SORL1: variants seen among roughly 807,000 people sequenced by gnomAD.
The protein encoded by SORL1 is sortilin-related receptor.
In SORL1, 127 loss-of-function variants were observed where a neutral mutation model predicts 273.7. That is an observed-to-expected ratio of 0.46 (90% CI 0.40 to 0.54). The LOEUF (loss-of-function observed/expected upper bound fraction) is 0.54, where lower values mean the gene tolerates loss of function less well. Among genes scored for constraint, SORL1 ranks in the 20% least tolerant of loss-of-function variants. The pLI is 0.00. For missense variants in SORL1, 2,494 were observed against 2,846.1 expected, an observed-to-expected ratio of 0.88 and a Z score of 2.81; for synonymous variants, 1,031 against 1,067.4, an observed-to-expected ratio of 0.97 and a Z score of 0.66.
Position 121,543,731 on chromosome 11 carries a change from G to C in SORL1, c.1864+5G>C, listed in dbSNP as rs1483867481. The stretch of plus-strand genomic sequence containing the variant: ...TCAATGCCACGGATGCCTTGGGTAA[G>C]CTGCTGCCTCCTTGGACCTTTTCAC... On this transcript the variant is annotated splice_donor_5th_base_variant and intron_variant, in intron 13 of 47. Coordinates refer to ENST00000260197, the MANE Select transcript of SORL1 (RefSeq NM_003105.6). The C allele has an allele frequency of 6.2e-7, 1 of 1,610,608 alleles. No homozygotes were observed.
chr11:121,496,797 C>A, intron 5 of SORL1, 72 bp from the exon 6 acceptor site: 3 of 1,300,062 alleles, frequency 2.3e-6, no homozygotes, highest in Non-Finnish European at 1.1e-6. Flanking sequence ...TTGATTATCC[C>A]ATTGCAAAAC....
At chr11:121,492,027 T>C (rs961162179) in intron 5 of SORL1, among the ~76,000 whole-genome samples, 3 of 152,188 alleles carry the variant, frequency 2.0e-5, no homozygotes, top group Non-Finnish European at 4.4e-5. Flanking sequence ...ATCTTCTAAA[T>C]GAAGCCCACC....
At chr11:121,480,232 T>C (rs1378677592) in intron 3 of SORL1, among the ~76,000 whole-genome samples, 1 of 152,198 alleles carries the variant, frequency 6.6e-6, no homozygotes, top group African/African-American at 2.4e-5. Flanking sequence ...TTAGCCAGAT[T>C]TAACCATTAA....
At position 121,531,429 on chromosome 11, in the gene SORL1, G is replaced by A. The variant is rs571444143; in HGVS notation, c.1597-1035G>A. Among the ~76,000 whole-genome samples the A allele has an allele frequency of 2.5e-4, 38 of 152,184 alleles. No individual in the cohort carries two copies. In the South Asian group the frequency reaches 7.9e-3, roughly 32 times the overall value. On this transcript the variant is annotated intron_variant, in intron 11 of 47. Transcript: ENST00000260197. ...AAATTAAAAAAATATTCCAATATAT[G>A]GGTCACTTGGGATTGGCACCTTTTG...
At chr11:121,529,417 A>G (rs545051485) in intron 11 of SORL1, among the ~76,000 whole-genome samples, 7 of 152,074 alleles carry the variant, frequency 4.6e-5, no homozygotes, top group African/African-American at 1.7e-4. Flanking sequence ...GGGTTTCGCC[A>G]TGTTGGTTAG....
At position 121,485,707 on chromosome 11, in the gene SORL1, C is replaced by G. The variant is rs981706417; in HGVS notation, c.529-2325C>G. The stretch of plus-strand genomic sequence containing the variant: ...TTGAGGATGCTTCCTTCCCCAATAA[C>G]CTAGGTGGTTTGGGAGCAGGAAGAT... On this transcript the variant is annotated intron_variant, in intron 3 of 47. Transcript: ENST00000260197. 3.3e-5 allele frequency among the ~76,000 whole-genome samples: 5 copies of G among 152,142 alleles called. No homozygotes were observed. The East Asian group carries it at 9.6e-4, about 29-fold the overall frequency.
chr11:121,456,492 A>C (rs1315288577), intron 1 of SORL1, among the ~76,000 whole-genome samples: 2 of 152,216 alleles, frequency 1.3e-5, no homozygotes, highest in Non-Finnish European at 2.9e-5. Context: ...CAGTGAACCC[A>C]CACATGGATA....
In SORL1 at chr11:121,477,311, T is replaced by C. The variant is rs573587384; in HGVS notation, c.403-807T>C. Among the ~76,000 whole-genome samples the C allele has an allele frequency of 3.0e-4, 45 of 152,370 alleles. No individual in the cohort carries two copies. In the South Asian group the frequency reaches 8.9e-3, roughly 30 times the overall value. ...ACGTGGTGGAGACCCATGAGAGTTT[T>C]CTTCTCTTTTGTATGGAATGCTGTA... On this transcript the variant is annotated intron_variant, in intron 2 of 47. Coordinates refer to ENST00000260197, the MANE Select transcript of SORL1 (RefSeq NM_003105.6).
At chr11:121,496,032 C>A (rs1225119672) in intron 5 of SORL1, among the ~76,000 whole-genome samples, 1 of 152,142 alleles carries the variant, frequency 6.6e-6, no homozygotes, top group Non-Finnish European at 1.5e-5. Context: ...GGGTTTTATA[C>A]CTTTGTTTGG....
chr11:121,599,846 T>C (rs1863359941), intron 32 of SORL1, among the ~76,000 whole-genome samples: 1 of 152,248 alleles, frequency 6.6e-6, no homozygotes, highest in Non-Finnish European at 1.5e-5. Context: ...TTATTTCTCT[T>C]TCTGTCGCCT....
At position 121,558,633 on chromosome 11, in the gene SORL1, T is replaced by G; in HGVS notation, c.2706T>G (p.Ile902Met). 6.2e-7 allele frequency: 1 copy of G among 1,614,070 alleles called. No individual in the cohort carries two copies. The highest frequency in any genetic ancestry group is 8.5e-7 in the Non-Finnish European group (1 of 1,179,998). ...ACTGGGGAGACCTGAAGCCTGGGATTTATCGGAGCAATATGGATGGTTCTG... is the reference window on the plus strand; with the variant it reads ...ACTGGGGAGACCTGAAGCCTGGGATGTATCGGAGCAATATGGATGGTTCTG... ...WTDWGDLKPG[I>M]YRSNMDGSAA... The change falls in exon 20 of 48, where the codon ATT becomes ATG. Residue 902 changes from isoleucine to methionine, a missense_variant. Coordinates refer to ENST00000260197, the MANE Select transcript of SORL1 (RefSeq NM_003105.6).
intron 28 of SORL1, among the ~76,000 whole-genome samples, chr11:121,588,992 G>T (rs910531976): frequency 6.6e-6 from 1 of 152,212 alleles, no homozygotes; most frequent in Non-Finnish European, 1.5e-5. Context: ...GTTTCTGAGA[G>T]ACTAGAGGTT....
chr11:121,557,354 A>G lies in SORL1; in HGVS notation c.2612A>G (p.Asn871Ser), dbSNP rs1186245679. The G allele has an allele frequency of 2.5e-6, 4 of 1,614,040 alleles. No homozygotes were observed. The highest frequency in any genetic ancestry group is 1.7e-5 in the Admixed American group (1 of 60,002). ...PDGDFRLTIV[N>S]SSVLDRPRAL... ...GGCGACTTCCGACTCACAATCGTCAATTCCTCTGTGCTTGATCGTCCCAGG... is the reference window on the plus strand; with the variant it reads ...GGCGACTTCCGACTCACAATCGTCAGTTCCTCTGTGCTTGATCGTCCCAGG... Residue 871 changes from asparagine to serine, a missense_variant, in exon 19 of 48, where the codon AAT becomes AGT. By Grantham distance (46) the Asn-to-Ser change is conservative. Transcript: ENST00000260197.
At chr11:121,519,919 T>C (rs1281100219) in intron 8 of SORL1, among the ~76,000 whole-genome samples, 1 of 152,184 alleles carries the variant, frequency 6.6e-6, no homozygotes, top group African/African-American at 2.4e-5. Context: ...ACAAGCCTTT[T>C]GACCCTAAAA....
chr11:121,525,807 G>A (rs966420834), intron 11 of SORL1, among the ~76,000 whole-genome samples: 6 of 152,088 alleles, frequency 3.9e-5, no homozygotes, highest in Non-Finnish European at 5.9e-5. Flanking sequence ...CCAGCACTTC[G>A]GACGGCTGAG....
chr11:121,516,461 G>T (rs886276083), intron 8 of SORL1, among the ~76,000 whole-genome samples: 1 of 152,110 alleles, frequency 6.6e-6, no homozygotes, highest in Non-Finnish European at 1.5e-5. Context: ...GGGCAATATT[G>T]GGGGGAGATC....
intron 3 of SORL1, among the ~76,000 whole-genome samples, chr11:121,478,774 G>A (rs779790253): frequency 2.0e-5 from 3 of 151,456 alleles, no homozygotes; most frequent in Non-Finnish European, 4.4e-5. Flanking sequence ...GTGTGGATGT[G>A]CATGCTTGTG....
intron 11 of SORL1, among the ~76,000 whole-genome samples, chr11:121,523,651 T>A (rs1014655735): frequency 1.3e-5 from 2 of 151,962 alleles, no homozygotes; most frequent in Non-Finnish European, 1.5e-5. Flanking sequence ...TCCCATTGAT[T>A]AAGGCCAAGG....
At chr11:121,575,960 C>T (rs1438780238) in intron 24 of SORL1, among the ~76,000 whole-genome samples, 1 of 152,208 alleles carries the variant, frequency 6.6e-6, no homozygotes. Context: ...TTAGCCCCTT[C>T]CTCTGATGCA....
Sources: allele counts gnomAD v4.1 joint callset (sites outside exome capture counted in the v4.1 genomes callset), GRCh38; gene constraint gnomAD v4.1.1; transcripts MANE v1.5; gene names NCBI Gene and HGNC (gene_info 2026-07-23, HGNC 2026-07-21).